PAN3: variants seen among roughly 807,000 people sequenced by gnomAD.
PAN3 encodes the protein poly(A) specific ribonuclease subunit PAN3, also known as PAN2-PAN3 deadenylation complex subunit PAN3.
Under a neutral mutation model 96.2 loss-of-function variants are expected in PAN3, and 19 were observed. The ratio of observed to expected loss-of-function variants is 0.20; its 90% CI spans 0.14 to 0.29. PAN3 has a LOEUF of 0.29. Ranked by LOEUF, PAN3 falls within the 10% of genes least tolerant of loss-of-function variation. The pLI is 1.00. For synonymous variants in PAN3, 433 were observed against 406.6 expected (o/e 1.06, Z -0.78); for missense variants, 882 against 1,108.1 (o/e 0.80, Z 2.90).
At chr13:28,229,536 T>C in intron 6 of PAN3, among the ~76,000 whole-genome samples, 1 of 152,182 alleles carries the variant, frequency 6.6e-6, no homozygotes, top group East Asian at 1.9e-4. Context: ...TTATTTCAAG[T>C]TATGTGATTA....
Position 28,282,343 on chromosome 13 carries a change from T to TC in PAN3, c.2384+964_2384+965insC, listed in dbSNP as rs1297243708. On this transcript the variant is annotated intron_variant, in intron 17 of 18. Coordinates refer to ENST00000380958, the MANE Select transcript of PAN3 (RefSeq NM_175854.8). ...AAATACTATTACTTGAGGGGTTGTT[T>TC]TTTTTTTTTACCATGGAATTCAAGT... 2.6e-4 allele frequency among the ~76,000 whole-genome samples: 39 copies of TC among 151,312 alleles called. No homozygotes were observed. The South Asian group carries it at 6.7e-3, about 26-fold the overall frequency.
At position 28,267,139 on chromosome 13, in the gene PAN3, T is replaced by C; in HGVS notation, c.1618T>C (p.Trp540Arg). The change falls in exon 11 of 19, where the codon TGG (tryptophan) becomes CGG (arginine). Residue 540 changes from tryptophan to arginine, a missense_variant. Trp to Arg is a moderately radical substitution (Grantham distance 101). This residue lies in a region of PAN3 where 364 missense variants were observed against 513.6 expected (regional missense o/e 0.71). Coordinates refer to ENST00000380958, the MANE Select transcript of PAN3 (RefSeq NM_175854.8). ...NTKCMVLVDMWKKIQHSNIVT... is the reference protein window; with the variant it reads ...NTKCMVLVDMRKKIQHSNIVT... ...AAAGTGCATGGTGTTGGTCGACATGTGGAAGAAAATTCAACACTCAAATAT... is the reference window on the plus strand; with the variant it reads ...AAAGTGCATGGTGTTGGTCGACATGCGGAAGAAAATTCAACACTCAAATAT... 1 of 1,612,956 alleles carries C rather than the reference T, an allele frequency of 6.2e-7. No individual in the cohort carries two copies. The highest frequency in any genetic ancestry group is 8.5e-7 in the Non-Finnish European group (1 of 1,179,018).
intron 6 of PAN3, among the ~76,000 whole-genome samples, chr13:28,244,180 C>T (rs928173748): frequency 6.6e-6 from 1 of 152,046 alleles, no homozygotes; most frequent in Non-Finnish European, 1.5e-5. Context: ...CAGACTAGCC[C>T]TTTATTAAGT....
At chr13:28,156,158 A>G (rs1452868375) in intron 1 of PAN3, among the ~76,000 whole-genome samples, 1 of 151,820 alleles carries the variant, frequency 6.6e-6, no homozygotes, top group Non-Finnish European at 1.5e-5. Flanking sequence ...TAAGATTGCT[A>G]GACTGCTAAC....
At chr13:28,257,730 A>T (rs1566235041) in intron 7 of PAN3, among the ~76,000 whole-genome samples, 5 of 113,960 alleles carry the variant, frequency 4.4e-5, no homozygotes, top group Middle Eastern at 5.1e-3. Context: ...AATATATATT[A>T]TATATAAATT....
chr13:28,203,181 G>A (rs367777635), intron 5 of PAN3, among the ~76,000 whole-genome samples: 13 of 151,800 alleles, frequency 8.6e-5, no homozygotes, highest in African/African-American at 3.1e-4. Flanking sequence ...GGCTGTTCTT[G>A]AACTCCTGGC....
chr13:28,166,053 A>T (rs567602178), intron 1 of PAN3, among the ~76,000 whole-genome samples: 1 of 152,318 alleles, frequency 6.6e-6, no homozygotes, highest in African/African-American at 2.4e-5. Context: ...TCTTTGTCAC[A>T]TGCAAAAAAC....
chr13:28,242,482 G>A (rs1883765259), intron 6 of PAN3, among the ~76,000 whole-genome samples: 1 of 152,106 alleles, frequency 6.6e-6, no homozygotes, highest in South Asian at 2.1e-4. Context: ...CTTCCCCATA[G>A]AACAATTGAA....
intron 6 of PAN3, among the ~76,000 whole-genome samples, chr13:28,245,006 G>A (rs190852108): frequency 1.3e-4 from 20 of 152,006 alleles, no homozygotes; most frequent in Non-Finnish European, 2.9e-5. Context: ...GCGTCACCAC[G>A]CCCGGCTTAT....
chr13:28,256,618 C>T lies in PAN3; in HGVS notation c.1248+79C>T. 4 of 1,407,476 alleles carry T rather than the reference C, an allele frequency of 2.8e-6. No homozygotes were observed. The East Asian group carries it at 7.0e-5, about 25-fold the overall frequency. The allele number at this position is 1,407,476 out of a possible 1,614,324, so 87.2% of individuals were successfully genotyped here. On this transcript the variant is annotated intron_variant, in intron 7 of 18. Transcript: ENST00000380958. ...TAGTTGTGAGGCGGTCTACCCCCTC[C>T]TGCAGCTTTTTATTGTGATGCAAAA...
At chr13:28,155,043 C>T (rs892714367) in intron 1 of PAN3, among the ~76,000 whole-genome samples, 12 of 149,910 alleles carry the variant, frequency 8.0e-5, no homozygotes, top group African/African-American at 2.9e-4. Flanking sequence ...GTCTCGATCT[C>T]CTGACCTCGT....
At chr13:28,222,904 T>C (rs1172688070) in intron 6 of PAN3, among the ~76,000 whole-genome samples, 1 of 152,208 alleles carries the variant, frequency 6.6e-6, no homozygotes, top group Middle Eastern at 3.2e-3. Flanking sequence ...CTTTGACACT[T>C]ATGTAAACTA....
intron 18 of PAN3, among the ~76,000 whole-genome samples, chr13:28,289,542 A>G (rs937426704): frequency 6.6e-6 from 1 of 152,176 alleles, no homozygotes; most frequent in African/African-American, 2.4e-5. Context: ...AAGTGTTGGG[A>G]TAATAGCCGT....
chr13:28,176,526 C>A lies in PAN3; in HGVS notation c.586C>A (p.Leu196Ile). 1 of 1,613,980 alleles carries A rather than the reference C, an allele frequency of 6.2e-7. No homozygotes were observed. Among genetic ancestry groups the A allele is most frequent in the Non-Finnish European group, 8.5e-7 (1 of 1,179,912 alleles). ...MTNSSSSPSL[L>I]NDSAKPYSAH... ...TAATAGTAGCAGCTCCCCAAGCCTT[C>A]TAAATGACAGTGCCAAGCCATATTC... is the stretch of plus-strand genomic sequence containing the variant. The change falls in exon 3 of 19, where the codon CTA (leucine) becomes ATA (isoleucine). Residue 196 changes from leucine to isoleucine, a missense_variant. Around this residue, in one of 3 missense-constraint regions of PAN3, gnomAD observed 442 missense variants for 422.8 expected, o/e 1.05. Transcript: ENST00000380958.
chr13:28,208,895 G>C (rs914326668), intron 5 of PAN3, among the ~76,000 whole-genome samples: 9 of 152,230 alleles, frequency 5.9e-5, no homozygotes, highest in Admixed American at 5.9e-4. Flanking sequence ...TTATGATTTA[G>C]AAATCTTGAA....
intron 6 of PAN3, among the ~76,000 whole-genome samples, chr13:28,226,854 T>C (rs1882053090): frequency 1.3e-5 from 2 of 152,270 alleles, no homozygotes; most frequent in Admixed American, 1.3e-4. Context: ...TCTTTGTAAC[T>C]ACTTTGTTTT....
chr13:28,221,529 G>A (rs369504265), intron 6 of PAN3, among the ~76,000 whole-genome samples: 1 of 152,078 alleles, frequency 6.6e-6, no homozygotes, highest in African/African-American at 2.4e-5. Flanking sequence ...AATGGGAGAA[G>A]ATAAAGATAA....
intron 4 of PAN3, among the ~76,000 whole-genome samples, chr13:28,194,842 A>G (rs1275198431): frequency 2.6e-5 from 4 of 152,120 alleles, no homozygotes; most frequent in Admixed American, 2.0e-4. Flanking sequence ...GTAGTTTTCT[A>G]TTTGAACACA....
intron 1 of PAN3, among the ~76,000 whole-genome samples, chr13:28,141,464 T>C (rs75315232): frequency 2.4e-5 from 3 of 124,286 alleles, no homozygotes; most frequent in East Asian, 4.3e-4. Context: ...CTTTTTTTCT[T>C]TTTTTTTTTT....
Sources: gnomAD v4.1 joint callset for allele counts (sites outside exome capture counted in the v4.1 genomes callset) on GRCh38, gnomAD v4.1.1 for gene constraint, gnomAD v4.1.1 regional missense constraint, MANE v1.5 for transcripts, NCBI Gene and HGNC (gene_info 2026-07-23, HGNC 2026-07-21) for gene names.